Variants in TTN observed in about 807,000 individuals in gnomAD.
TTN encodes titin, also known as connectin.
In TTN, 1,525 loss-of-function variants were observed where a neutral mutation model predicts 3,223.0. The observed-to-expected ratio is 0.47, with a 90% confidence interval of 0.45 to 0.49. The LOEUF (loss-of-function observed/expected upper bound fraction) is 0.49, where lower values mean the gene tolerates loss of function less well. Among genes scored for constraint, TTN ranks in the 20% least tolerant of loss-of-function variants. The pLI is 0.00. For missense variants in TTN, 40,786 were observed against 43,424.0 expected (o/e 0.94, Z 5.40); for synonymous variants, 14,094 against 15,161.0 (o/e 0.93, Z 5.17).
chr2:178,578,134 T>C lies in TTN; in HGVS notation c.68381A>G (p.Asn22794Ser), dbSNP rs1252022777. 1.2e-6 allele frequency: 2 copies of C among 1,613,068 alleles called. No homozygotes were observed. Among genetic ancestry groups the C allele is most frequent in the South Asian group, 1.1e-5 (1 of 91,048 alleles). The stretch of plus-strand genomic sequence containing the variant: ...GTCTCTCATCCTTATCGGAGTCTTG[T>C]TAGCTCTCTTCCACAAAAGGCTGTT... Reference protein sequence around the residue: ...ERNSLLWKRANKTPIRMRDFK... With the variant: ...ERNSLLWKRASKTPIRMRDFK... The change falls in exon 322 of 363, where the codon AAC becomes AGC. Residue 22794 changes from asparagine (N) to serine (S), a missense_variant. Asn to Ser is a conservative substitution (Grantham distance 46). Coordinates refer to ENST00000589042, the MANE Select transcript of TTN (RefSeq NM_001267550.2).
At position 178,568,497 on chromosome 2, in the gene TTN, T is replaced by A; in HGVS notation, c.77635A>T (p.Lys25879Ter). 1 of 1,613,432 alleles carries A rather than the reference T, an allele frequency of 6.2e-7. No individual in the cohort carries two copies. Among genetic ancestry groups the A allele is most frequent in the Non-Finnish European group, 8.5e-7 (1 of 1,179,596 alleles). ...GITVANVVGQ[K>*]TASIEIVTLD... Reference sequence around the variant, plus strand: ...GTTACAATTTCGATGGATGCTGTCTTCTGACCAACAACATTGGCAACTGTG... The same window carrying A: ...GTTACAATTTCGATGGATGCTGTCTACTGACCAACAACATTGGCAACTGTG... Residue 25879 changes from lysine (K) to a stop codon, truncating the protein, a stop_gained, in exon 326 of 363, where the codon AAG becomes TAG. Coordinates refer to ENST00000589042, the MANE Select transcript of TTN (RefSeq NM_001267550.2). LOFTEE classifies it high-confidence loss of function.
chr2:178,568,003 A>G lies in TTN; in HGVS notation c.78129T>C (p.Thr26043=), dbSNP rs781453272. 6.2e-7 allele frequency: 1 copy of G among 1,613,458 alleles called. No homozygotes were observed. The highest frequency in any genetic ancestry group is 8.5e-7 in the Non-Finnish European group (1 of 1,179,596). The change falls in exon 326 of 363, where the codon ACT becomes ACC. Residue 26043 remains threonine (T), a synonymous_variant. Coordinates refer to ENST00000589042, the MANE Select transcript of TTN (RefSeq NM_001267550.2). ...NSILWTKVNK[T]IIHDTQFKAQ... ...CTTTGAATTGGGTGTCATGAATAAT[A>G]GTTTTGTTGACCTTTGTCCACAAAA...
Position 178,629,323 on chromosome 2 carries a change from T to C in TTN, c.44402A>G (p.Lys14801Arg). 1.2e-6 allele frequency: 2 copies of C among 1,612,758 alleles called. No individual in the cohort carries two copies. Among genetic ancestry groups the C allele is most frequent in the Non-Finnish European group, 1.7e-6 (2 of 1,179,218 alleles). The part of the protein sequence containing the change: ...DIPVEWYLKG[K>R]KLEPSDKVVP... ...TACCTTATCGCTGGGCTCTAGTTTC[T>C]TCCCTTTGAGATACCATTCCACTGG... The change falls in exon 240 of 363, where the codon AAG becomes AGG. Residue 14801 changes from lysine to arginine, a missense_variant. By Grantham distance (26) the Lys-to-Arg change is conservative. Transcript: ENST00000589042.
rs776358356 is a variant in TTN at position 178,728,812 on chromosome 2, T to C, written c.19148-34A>G. 3.8e-6 allele frequency: 6 copies of C among 1,582,068 alleles called. No homozygotes were observed. The East Asian group carries it at 6.8e-5, about 18-fold the overall frequency. ...AAAATGAAAATGTGGATGAGTTACA[T>C]TGGTAACTCCACTAGAAATAATGTC... On this transcript the variant is annotated intron_variant, in intron 65 of 362. Transcript: ENST00000589042.
At position 178,583,657 on chromosome 2, in the gene TTN, A is replaced by G; in HGVS notation, c.65525T>C (p.Ile21842Thr). 2 of 1,612,052 alleles carry G rather than the reference A, an allele frequency of 1.2e-6. No individual in the cohort carries two copies. Among genetic ancestry groups the G allele is most frequent in the East Asian group, 2.2e-5 (1 of 44,574 alleles). The stretch of plus-strand genomic sequence containing the variant: ...ATCAGAAGGTTCAGAAGGTGGGCTA[A>G]TGTTTACCGCGGTCCTGGCAATAGC... ...FRAIARTAVN[I>T]SPPSEPSDPV... Residue 21842 changes from isoleucine to threonine, a missense_variant, in exon 312 of 363, where the codon ATT becomes ACT. Physicochemically the swap from Ile to Thr is moderately conservative, Grantham distance 89. Coordinates refer to ENST00000589042, the MANE Select transcript of TTN (RefSeq NM_001267550.2).
In TTN at chr2:178,556,938, A is replaced by T; in HGVS notation, c.88216T>A (p.Tyr29406Asn). Reference sequence around the variant, plus strand: ...TTCCTAGCAAAGACACGGAATTCATACTGGGAATTCTGAGTCAAGCCAGAG... The same window carrying T: ...TTCCTAGCAAAGACACGGAATTCATTCTGGGAATTCTGAGTCAAGCCAGAG... ...IISGLTQNSQ[Y>N]EFRVFARNAV... Residue 29406 changes from tyrosine (Y) to asparagine (N), a missense_variant, in exon 330 of 363, where the codon TAT (tyrosine) becomes AAT (asparagine). Coordinates refer to ENST00000589042, the MANE Select transcript of TTN (RefSeq NM_001267550.2). 6.2e-7 allele frequency: 1 copy of T among 1,613,838 alleles called. No individual in the cohort carries two copies.
At position 178,775,821 on chromosome 2, in the gene TTN, C is replaced by T. The variant is rs776534823; in HGVS notation, c.6043G>A (p.Ala2015Thr). The change falls in exon 28 of 363, where the codon GCT (alanine) becomes ACT (threonine). Residue 2015 changes from alanine (A) to threonine (T), a missense_variant. By Grantham distance (58) the Ala-to-Thr change is moderately conservative (BLOSUM62 0). Coordinates refer to ENST00000589042, the MANE Select transcript of TTN (RefSeq NM_001267550.2). ...TTCTTTCGAGACTTGAGCTCCACAG[C>T]GGTAATGGCTTCATAATAGCCCTCT... is the stretch of plus-strand genomic sequence containing the variant. ...TEEGYYEAIT[A>T]VELKSRKKDE... The T allele has an allele frequency of 3.7e-6, 6 of 1,613,790 alleles. No individual in the cohort carries two copies. The Admixed American group carries it at 5.0e-5, about 13-fold the overall frequency.
At chr2:178,756,190 A>G in intron 46 of TTN, 32 bp downstream of exon 46, 1 of 1,505,668 alleles carries the variant, frequency 6.6e-7, no homozygotes. Context: ...TGAGGATGAA[A>G]TGAAGCAAGT....
intron 322 of TTN, 35 bp from the exon 323 acceptor site, chr2:178,577,933 C>A: frequency 6.9e-6 from 11 of 1,589,806 alleles, no homozygotes; most frequent in Non-Finnish European, 9.4e-6. Context: ...CAAACAAATA[C>A]CAGTTTTCTT....
chr2:178,790,398 G>A (rs2093423345), intron 11 of TTN, among the ~76,000 whole-genome samples: 1 of 152,160 alleles, frequency 6.6e-6, no homozygotes, highest in Admixed American at 6.5e-5. Context: ...CAATCTCTGA[G>A]ACATTTCAGT....
At chr2:178,652,992 A>G (rs1023998659) in intron 199 of TTN, 49 bp downstream of exon 199, 1 of 1,605,332 alleles carries the variant, frequency 6.2e-7, no homozygotes, top group African/African-American at 1.4e-5. Context: ...AAGTATTTTC[A>G]AGAAATGAAG....
rs2062525817 is a variant in TTN at position 178,649,249 on chromosome 2, T to G, written c.40056A>C (p.Lys13352Asn). The change falls in exon 213 of 363, where the codon AAA becomes AAC. Residue 13352 changes from lysine (K) to asparagine (N), a missense_variant and splice_region_variant. Lys to Asn is a moderately conservative substitution (Grantham distance 94). Coordinates refer to ENST00000589042, the MANE Select transcript of TTN (RefSeq NM_001267550.2). ...VTKKPEVLPE[K>N]VPKVPEKIIP... Reference sequence around the variant, plus strand: ...CTATTTTTTCTTCATGGTAGGTACCTTTTTCTGGAAGAACTTCTGGTTTTT... The same window carrying G: ...CTATTTTTTCTTCATGGTAGGTACCGTTTTCTGGAAGAACTTCTGGTTTTT... The G allele has an allele frequency of 2.7e-6, 4 of 1,498,690 alleles. No homozygotes were observed. The South Asian group carries it at 4.0e-5, about 15-fold the overall frequency. 92.8% of individuals were successfully genotyped at this position (1,498,690 alleles called of 1,614,324 possible).
intron 101 of TTN, 24 bp downstream of exon 101, chr2:178,706,838 G>T (rs373265877): frequency 1.4e-5 from 22 of 1,610,004 alleles, no homozygotes; most frequent in Middle Eastern, 1.6e-4. Flanking sequence ...AGATGAAGAT[G>T]TACTTCTCAT....
intron 6 of TTN, chr2:178,798,652 C>T (rs1400659666): frequency 6.6e-6 from 1 of 152,150 alleles, no homozygotes; most frequent in Non-Finnish European, 1.5e-5. Flanking sequence ...TTACAGATGA[C>T]ACAACTGAAA....
At chr2:178,601,973 A>T (rs751924055) in intron 284 of TTN, 29 bp downstream of exon 284, 2 of 1,612,668 alleles carry the variant, frequency 1.2e-6, no homozygotes, top group Non-Finnish European at 1.7e-6. Flanking sequence ...GATTCAGTGG[A>T]AAAAAGAGGA....
chr2:178,586,936 G>A (rs1433932741), intron 307 of TTN, 129 bp from the exon 308 acceptor site: 14 of 1,372,022 alleles, frequency 1.0e-5, no homozygotes, highest in Non-Finnish European at 1.4e-5. Context: ...TACATTAAAA[G>A]CAAAACATAT....
Position 178,733,419 on chromosome 2 carries a change from G to T in TTN, c.15874C>A (p.Pro5292Thr). Residue 5292 changes from proline (P) to threonine (T), a missense_variant, in exon 54 of 363, where the codon CCC becomes ACC. Physicochemically the swap from Pro to Thr is conservative, Grantham distance 38. Coordinates refer to ENST00000589042, the MANE Select transcript of TTN (RefSeq NM_001267550.2). ...GGTCTCCCATCTTTGTACCATTTGGGCTTCAGTTCTGGCGTGCCTGCCACT... is the reference window on the plus strand; with the variant it reads ...GGTCTCCCATCTTTGTACCATTTGGTCTTCAGTTCTGGCGTGCCTGCCACT... ...YTVAGTPELK[P>T]KWYKDGRPLV... 1 of 1,613,734 alleles carries T rather than the reference G, an allele frequency of 6.2e-7. No homozygotes were observed. The highest frequency in any genetic ancestry group is 2.2e-5 in the East Asian group (1 of 44,852).
Position 178,561,085 on chromosome 2 carries a change from T to C in TTN, c.85047A>G (p.Lys28349=). 1 of 1,613,890 alleles carries C rather than the reference T, an allele frequency of 6.2e-7. No individual in the cohort carries two copies. Among genetic ancestry groups the C allele is most frequent in the Non-Finnish European group, 8.5e-7 (1 of 1,179,826 alleles). ...TAACTCTTGGAGGCTCAACATCATCTTTAACTATAATAGGCCCAGTGGATT... is the reference window on the plus strand; with the variant it reads ...TAACTCTTGGAGGCTCAACATCATCCTTAACTATAATAGGCCCAGTGGATT... ...PSESTGPIIV[K]DDVEPPRVMM... The change falls in exon 326 of 363, where the codon AAA becomes AAG. Residue 28349 remains lysine (K), a synonymous_variant. Coordinates refer to ENST00000589042, the MANE Select transcript of TTN (RefSeq NM_001267550.2).
intron 29 of TTN, chr2:178,774,695 A>G (rs942987072): frequency 1.4e-5 from 10 of 702,986 alleles, no homozygotes; most frequent in Non-Finnish European, 2.3e-5. Flanking sequence ...GCTTCAATAA[A>G]AAACTTAAAA....
Sources: gnomAD v4.1 joint callset for allele counts (sites outside exome capture counted in the v4.1 genomes callset) on GRCh38, gnomAD v4.1.1 for gene constraint, MANE v1.5 for transcripts, NCBI Gene and HGNC (gene_info 2026-07-23, HGNC 2026-07-21) for gene names.